Variants in UBR3 observed in about 807,000 individuals in gnomAD.
UBR3 encodes E3 ubiquitin-protein ligase UBR3.
Under a neutral mutation model 243.2 loss-of-function variants are expected in UBR3, and 85 were observed. That is an observed-to-expected ratio of 0.35 (90% CI 0.29 to 0.42). The LOEUF (loss-of-function observed/expected upper bound fraction) is 0.42. Ranked by LOEUF, UBR3 falls within the 10% of genes least tolerant of loss-of-function variation. UBR3 has a pLI of 1.00. For missense variants in UBR3, 1,686 were observed against 2,300.8 expected, an observed-to-expected ratio of 0.73 and a Z score of 5.47; for synonymous variants, 748 against 799.8, an observed-to-expected ratio of 0.94 and a Z score of 1.09.
intron 10 of UBR3, among the ~76,000 whole-genome samples, chr2:169,909,710 T>G (rs946146639): frequency 6.6e-6 from 1 of 150,420 alleles, no homozygotes; most frequent in Admixed American, 6.7e-5. Context: ...ATTAGCTTGA[T>G]ATACCCATCC....
chr2:169,856,017 C>T (rs55907353), intron 1 of UBR3, among the ~76,000 whole-genome samples: 8,675 of 151,374 alleles, frequency 0.057, 466 homozygotes, highest in African/African-American at 0.14. Context: ...CAGGCGGAGA[C>T]GCTCCTCACC....
At chr2:170,057,096 T>A (rs146177068) in intron 33 of UBR3, among the ~76,000 whole-genome samples, 36 of 150,284 alleles carry the variant, frequency 2.4e-4, no homozygotes, top group Non-Finnish European at 4.0e-4. Flanking sequence ...GTTTTTCTTT[T>A]TGTAATTATC....
intron 20 of UBR3, among the ~76,000 whole-genome samples, chr2:169,945,480 G>A (rs2086754016): frequency 6.6e-6 from 1 of 152,082 alleles, no homozygotes; most frequent in African/African-American, 2.4e-5. Context: ...CATCTGGGCA[G>A]CTTCTGTGAG....
At chr2:170,058,162 CT>C (rs1008875928) in intron 33 of UBR3, among the ~76,000 whole-genome samples, 1 of 152,154 alleles carries the variant, frequency 6.6e-6, no homozygotes, top group African/African-American at 2.4e-5. Context: ...TCACTTCCTT[CT>C]TTACGTCTTC....
chr2:169,975,697 C>T (rs549183214), intron 24 of UBR3, among the ~76,000 whole-genome samples: 4 of 152,068 alleles, frequency 2.6e-5, no homozygotes, highest in Non-Finnish European at 5.9e-5. Flanking sequence ...TCTGTAGTCT[C>T]AGCTACCCAG....
intron 33 of UBR3, among the ~76,000 whole-genome samples, chr2:170,057,928 G>C (rs2091373121): frequency 6.6e-6 from 1 of 152,038 alleles, no homozygotes; most frequent in Non-Finnish European, 1.5e-5. Flanking sequence ...TAAACATTTA[G>C]ATACATAGCA....
At chr2:169,903,951 T>C (rs1018355563) in intron 8 of UBR3, among the ~76,000 whole-genome samples, 1 of 152,194 alleles carries the variant, frequency 6.6e-6, no homozygotes, top group African/African-American at 2.4e-5. Context: ...GCAAAGTATT[T>C]TCAGGATATG....
rs1008299068 is a variant in UBR3 at position 170,082,106 on chromosome 2, A to G, written c.*263A>G. ...AAGTGCACAATTAATAAGAAGCACAACTTGTTCACAAACTCATTCAGAAAT... is the reference window on the plus strand; with the variant it reads ...AAGTGCACAATTAATAAGAAGCACAGCTTGTTCACAAACTCATTCAGAAAT... On this transcript the variant is annotated 3_prime_UTR_variant, in exon 39 of 39. Transcript: ENST00000272793. 2 of 278,612 alleles carry G rather than the reference A, an allele frequency of 7.2e-6. No homozygotes were observed. Among genetic ancestry groups the G allele is most frequent in the Admixed American group, 5.2e-5 (1 of 19,326 alleles). 17.3% of individuals were successfully genotyped at this position (278,612 alleles called of 1,614,324 possible). A position where few individuals can be genotyped will look rare whatever the true frequency, so the allele number is the denominator to read the frequency against.
intron 31 of UBR3, among the ~76,000 whole-genome samples, chr2:170,035,837 A>G (rs1047360033): frequency 1.4e-5 from 2 of 141,024 alleles, no homozygotes; most frequent in African/African-American, 2.6e-5. Flanking sequence ...GATTCCATTT[A>G]TCAGAGTTTT....
At chr2:170,053,374 C>A (rs1356394372) in intron 32 of UBR3, among the ~76,000 whole-genome samples, 1 of 152,182 alleles carries the variant, frequency 6.6e-6, no homozygotes, top group Non-Finnish European at 1.5e-5. Context: ...ACCCTGGTAT[C>A]CATTTCCTAC....
At chr2:170,039,853 C>T (rs971283535) in intron 31 of UBR3, among the ~76,000 whole-genome samples, 1 of 152,094 alleles carries the variant, frequency 6.6e-6, no homozygotes, top group Non-Finnish European at 1.5e-5. Flanking sequence ...TTTCATAGTA[C>T]TGCACATTCC....
intron 31 of UBR3, 87 bp downstream of exon 31, chr2:170,029,535 T>C: frequency 2.0e-6 from 2 of 1,008,608 alleles, no homozygotes; most frequent in Non-Finnish European, 2.8e-6. Flanking sequence ...AATTTCAATA[T>C]ATGTGATTTT....
intron 19 of UBR3, among the ~76,000 whole-genome samples, chr2:169,940,379 A>G (rs571164619): frequency 5.3e-5 from 8 of 152,282 alleles, no homozygotes; most frequent in African/African-American, 1.4e-4. Context: ...TTCTAAGAGC[A>G]TAGCGCCTTA....
At chr2:169,844,441 A>G (rs1165528173) in intron 1 of UBR3, among the ~76,000 whole-genome samples, 2 of 146,878 alleles carry the variant, frequency 1.4e-5, no homozygotes, top group Non-Finnish European at 3.0e-5. Context: ...TGTTTGTACT[A>G]TTTCTCCTTA....
At chr2:169,881,922 CATGTATACATATA>C (rs2083867257) in intron 5 of UBR3, among the ~76,000 whole-genome samples, 14 of 91,224 alleles carry the variant, frequency 1.5e-4, no homozygotes, top group Admixed American at 1.3e-3. Context: ...TATATGTATA[CATGTATACATATA>C]ATATAATTAC....
chr2:170,019,696 AT>A (rs2090337767), intron 30 of UBR3, among the ~76,000 whole-genome samples: 2 of 152,106 alleles, frequency 1.3e-5, no homozygotes, highest in Non-Finnish European at 2.9e-5. Flanking sequence ...AAAAAAAATT[AT>A]AGAAAATTAT....
intron 23 of UBR3, among the ~76,000 whole-genome samples, chr2:169,955,945 C>T (rs932466771): frequency 8.6e-5 from 13 of 151,978 alleles, no homozygotes; most frequent in Admixed American, 8.5e-4. Flanking sequence ...CTCAGGCCCT[C>T]TTAGGACAGA....
At chr2:169,884,626 G>A (rs2084021962) in intron 5 of UBR3, among the ~76,000 whole-genome samples, 1 of 152,046 alleles carries the variant, frequency 6.6e-6, no homozygotes, top group Admixed American at 6.6e-5. Context: ...AATCTGGTTT[G>A]TTTTTTGTTT....
At chr2:170,047,168 T>G (rs956054064) in intron 32 of UBR3, among the ~76,000 whole-genome samples, 7 of 123,718 alleles carry the variant, frequency 5.7e-5, no homozygotes, top group Admixed American at 4.6e-4. Context: ...GCTAATTTTA[T>G]TTTTTGTAGA....
Sources: gnomAD v4.1 joint callset for allele counts (sites outside exome capture counted in the v4.1 genomes callset) on GRCh38, gnomAD v4.1.1 for gene constraint, MANE v1.5 for transcripts, NCBI Gene and HGNC (gene_info 2026-07-23, HGNC 2026-07-21) for gene names.